SGCD: variants seen among roughly 807,000 people sequenced by gnomAD.
SGCD encodes the protein delta-sarcoglycan.
Under a neutral mutation model 36.6 loss-of-function variants are expected in SGCD, and 18 were observed. That is an observed-to-expected ratio of 0.49 (90% confidence interval 0.34 to 0.73). The LOEUF is 0.73. Ranked by LOEUF, SGCD falls within the 30% of genes least tolerant of loss-of-function variation. SGCD has a pLI of 0.01. For missense variants in SGCD, 387 were observed against 346.7 expected, an observed-to-expected ratio of 1.12 and a Z score of -0.92; for synonymous variants, 133 against 130.6, an observed-to-expected ratio of 1.02 and a Z score of -0.12.
intron 6 of SGCD, among the ~76,000 whole-genome samples, chr5:156,596,490 A>T (rs1760931326): frequency 6.6e-6 from 1 of 152,210 alleles, no homozygotes; most frequent in African/African-American, 2.4e-5. Flanking sequence ...GTGTCCAATA[A>T]GTGCTAGGTG....
intron 3 of SGCD, among the ~76,000 whole-genome samples, chr5:156,287,957 A>G (rs1456309908): frequency 6.6e-6 from 1 of 152,134 alleles, no homozygotes; most frequent in African/African-American, 2.4e-5. Flanking sequence ...CTGCGTCTGG[A>G]CAAAATGTAG....
intron 2 of SGCD, among the ~76,000 whole-genome samples, chr5:156,334,911 T>A (rs1263017671): frequency 1.3e-5 from 2 of 152,074 alleles, no homozygotes; most frequent in African/African-American, 2.4e-5. Flanking sequence ...AATACCTTAC[T>A]TTGTATTCAG....
chr5:156,126,083 A>G (rs1762164877), intron 3 of SGCD, among the ~76,000 whole-genome samples: 1 of 151,606 alleles, frequency 6.6e-6, no homozygotes. Context: ...GTTTTGCCAT[A>G]TTGTCCACGC....
At chr5:156,697,457 T>C (rs987261422) in intron 7 of SGCD, among the ~76,000 whole-genome samples, 9 of 152,104 alleles carry the variant, frequency 5.9e-5, no homozygotes, top group Non-Finnish European at 1.2e-4. Context: ...TCCTTGCCCC[T>C]CTCCCCCAAA....
At chr5:156,437,541 TG>T (rs1038512954) in intron 3 of SGCD, among the ~76,000 whole-genome samples, 3 of 152,170 alleles carry the variant, frequency 2.0e-5, no homozygotes, top group African/African-American at 7.2e-5. Context: ...TTTGTAGGTT[TG>T]GCAAATGTTA....
chr5:156,533,226 TCA>T (rs963395718), intron 4 of SGCD, among the ~76,000 whole-genome samples: 106 of 152,304 alleles, frequency 7.0e-4, no homozygotes, highest in African/African-American at 2.5e-3. Context: ...CTTCACGTAG[TCA>T]CAGTTTCCTA....
chr5:156,034,565 A>G (rs1759442015), intron 1 of SGCD, among the ~76,000 whole-genome samples: 1 of 152,184 alleles, frequency 6.6e-6, no homozygotes. Flanking sequence ...AGCACTTACT[A>G]TAATCAATTG....
intron 6 of SGCD, among the ~76,000 whole-genome samples, chr5:156,632,540 T>C (rs560338013): frequency 3.3e-5 from 5 of 152,338 alleles, no homozygotes; most frequent in African/African-American, 1.2e-4. Context: ...TTATTTTTTA[T>C]TGACCTGTCT....
intron 3 of SGCD, among the ~76,000 whole-genome samples, chr5:156,187,029 G>A (rs951305305): frequency 6.6e-6 from 1 of 152,000 alleles, no homozygotes; most frequent in Non-Finnish European, 1.5e-5. Context: ...TAGAAGCAAT[G>A]AACATAGAAG....
At chr5:156,359,029 G>A (rs1466743429) in intron 3 of SGCD, among the ~76,000 whole-genome samples, 1 of 152,040 alleles carries the variant, frequency 6.6e-6, no homozygotes, top group South Asian at 2.1e-4. Flanking sequence ...GAAGCTAAAA[G>A]GGAAGAGAAA....
At chr5:156,022,321 C>G (rs1561685421) in intron 1 of SGCD, among the ~76,000 whole-genome samples, 1 of 152,122 alleles carries the variant, frequency 6.6e-6, no homozygotes, top group Non-Finnish European at 1.5e-5. Flanking sequence ...ACTTTAAGTA[C>G]TGAAACGAGC....
At chr5:156,239,505 A>G (rs900631991) in intron 3 of SGCD, among the ~76,000 whole-genome samples, 16 of 152,132 alleles carry the variant, frequency 1.1e-4, no homozygotes, top group Non-Finnish European at 2.1e-4. Context: ...ATCAACTAGT[A>G]TGAAACCAAA....
At chr5:155,850,442 A>G in the SGCD span, among the ~76,000 whole-genome samples, 1 of 152,252 alleles carries the variant, frequency 6.6e-6, no homozygotes, top group South Asian at 2.1e-4. Flanking sequence ...GAGAGGACAA[A>G]TCACTCACAT....
intron 3 of SGCD, among the ~76,000 whole-genome samples, chr5:156,151,639 C>T (rs778280612): frequency 1.3e-5 from 2 of 151,534 alleles, no homozygotes; most frequent in East Asian, 1.9e-4. Flanking sequence ...CACCAAGATA[C>T]TGCCTAGGTT....
chr5:155,746,760 C>G, the SGCD span, among the ~76,000 whole-genome samples: 3 of 152,096 alleles, frequency 2.0e-5, no homozygotes, highest in Admixed American at 2.0e-4. Context: ...GGAGGGAATG[C>G]TCATTACTGC....
chr5:156,541,738 A>T (rs1758355545), intron 4 of SGCD, among the ~76,000 whole-genome samples: 1 of 152,150 alleles, frequency 6.6e-6, no homozygotes, highest in Non-Finnish European at 1.5e-5. Context: ...TTAATCTTCC[A>T]CTTTATAGAA....
intron 7 of SGCD, among the ~76,000 whole-genome samples, chr5:156,728,580 C>A (rs1262430618): frequency 7.4e-6 from 1 of 135,418 alleles, no homozygotes; most frequent in South Asian, 2.7e-4. Context: ...AAGCTTGATT[C>A]TTTTTTATCA....
the SGCD span, among the ~76,000 whole-genome samples, chr5:155,819,910 A>G: frequency 6.6e-6 from 1 of 152,308 alleles, no homozygotes; most frequent in Non-Finnish European, 1.5e-5. Context: ...TAACTAATCA[A>G]AACAATATTA....
At chr5:156,234,245 T>A (rs1208240014) in intron 3 of SGCD, among the ~76,000 whole-genome samples, 1 of 152,230 alleles carries the variant, frequency 6.6e-6, no homozygotes, top group Non-Finnish European at 1.5e-5. Flanking sequence ...TTTTTATTAT[T>A]GAGTTTTAAG....
Sources: allele counts gnomAD v4.1 joint callset (sites outside exome capture counted in the v4.1 genomes callset), GRCh38; gene constraint gnomAD v4.1.1; transcripts MANE v1.5; gene names NCBI Gene and HGNC (gene_info 2026-07-23, HGNC 2026-07-21).